GSAP: variants seen among roughly 807,000 people sequenced by gnomAD.
GSAP encodes the protein gamma-secretase activating protein.
GSAP carries 118 observed loss-of-function variants against 131.7 expected under a neutral mutation model. The observed-to-expected ratio is 0.90, with a 90% confidence interval of 0.77 to 1.04. The LOEUF (loss-of-function observed/expected upper bound fraction) is 1.04, where lower values mean the gene tolerates loss of function less well. Ranked by LOEUF, GSAP falls within the 50% of genes least tolerant of loss-of-function variation. The probability of loss-of-function intolerance (pLI) is 0.00; values close to 1 mark genes in which losing one functional copy is unlikely to be tolerated. For synonymous variants in GSAP, 381 were observed against 363.4 expected, an observed-to-expected ratio of 1.05 and a Z score of -0.55; for missense variants, 1,019 against 1,013.2, an observed-to-expected ratio of 1.01 and a Z score of -0.08.
In GSAP at chr7:77,414,844, C is replaced by CTTT. The variant is rs57095326; in HGVS notation, c.109+1366_109+1368dup. The stretch of plus-strand genomic sequence containing the variant: ...AAAAACTTTTCAGACATGTGGGCGA[C>CTTT]TTTTTTTTTTTTTTTTTTTTTTTTT... On this transcript the variant is annotated intron_variant, in intron 1 of 30. Coordinates refer to ENST00000257626, the MANE Select transcript of GSAP (RefSeq NM_017439.4). 3.1e-3 allele frequency among the ~76,000 whole-genome samples: 187 copies of CTTT among 59,860 alleles called. 43 individuals carry two copies. The highest frequency in any genetic ancestry group is 5.8e-3 in the African/African-American group (78 of 13,524). 39.3% of individuals were successfully genotyped at this position (59,860 alleles called of 152,430 possible).
chr7:77,322,007 C>T (rs1787711458), intron 24 of GSAP, among the ~76,000 whole-genome samples: 1 of 152,166 alleles, frequency 6.6e-6, no homozygotes, highest in Admixed American at 6.5e-5. Flanking sequence ...TGTCTTAGAG[C>T]TTTATCCAGA....
At chr7:77,395,408 T>TG (rs1392196576) in intron 5 of GSAP, among the ~76,000 whole-genome samples, 15 of 152,122 alleles carry the variant, frequency 9.9e-5, no homozygotes, top group Admixed American at 9.8e-4. Context: ...CCCATACCCT[T>TG]GTTTTAAGGG....
intron 8 of GSAP, among the ~76,000 whole-genome samples, chr7:77,377,909 T>C (rs1024768482): frequency 6.6e-6 from 1 of 152,212 alleles, no homozygotes; most frequent in Non-Finnish European, 1.5e-5. Context: ...ATGATGAGTA[T>C]GATGATATTG....
chr7:77,379,630 T>A (rs1015672813), intron 8 of GSAP, among the ~76,000 whole-genome samples: 11 of 152,158 alleles, frequency 7.2e-5, no homozygotes, highest in African/African-American at 2.7e-4. Flanking sequence ...GTCCCCTGTC[T>A]ATGCTCACTC....
chr7:77,390,198 G>A (rs574597876), intron 5 of GSAP, among the ~76,000 whole-genome samples: 5 of 152,242 alleles, frequency 3.3e-5, no homozygotes, highest in Non-Finnish European at 7.4e-5. Context: ...TTTGTCAGAT[G>A]AGTAGGTTGC....
intron 19 of GSAP, among the ~76,000 whole-genome samples, chr7:77,343,554 A>T (rs1294115836): frequency 6.6e-6 from 1 of 152,190 alleles, no homozygotes; most frequent in Non-Finnish European, 1.5e-5. Flanking sequence ...ATTCACTGCA[A>T]AGGCCATCAA....
rs929190721 is a variant in GSAP, at chr7:77,320,626, A to AC, written c.2089+98dup. The AC allele has an allele frequency of 1.6e-5, 12 of 740,706 alleles. No individual in the cohort carries two copies. In the African/African-American group the frequency reaches 2.1e-4, roughly 13 times the overall value. 45.9% of individuals were successfully genotyped at this position (740,706 alleles called of 1,614,324 possible). On this transcript the variant is annotated intron_variant, in intron 26 of 30. Transcript: ENST00000257626. ...ACACCAGATACACAATTTCTCATAC[A>AC]CAAGTCTCATCATCAAACTTATAAT...
At chr7:77,363,321 TTATCTC>T (rs1425791532) in intron 12 of GSAP, among the ~76,000 whole-genome samples, 45 of 152,212 alleles carry the variant, frequency 3.0e-4, no homozygotes, top group African/African-American at 1.0e-3. Flanking sequence ...AAACTGTACA[TTATCTC>T]TAGCAGCTGC....
rs1139802 is a variant in GSAP at position 77,311,296 on chromosome 7, A to G, written c.*62T>C. ...TTTAAATATTGTTAAAGAATTCTCA[A>G]AGGAGTAAGGTTAATGAGCAAGATT... On this transcript the variant is annotated 3_prime_UTR_variant, in exon 31 of 31. Transcript: ENST00000257626. 103,486 of 926,698 alleles carry G rather than the reference A, an allele frequency of 0.11. 10,212 individuals carry two copies. Among genetic ancestry groups the G allele is most frequent in the African/African-American group, 0.46 (27,618 of 60,576 alleles). 57.4% of individuals were successfully genotyped at this position (926,698 alleles called of 1,614,324 possible).
chr7:77,340,781 T>C (rs1790795097), intron 19 of GSAP, among the ~76,000 whole-genome samples: 2 of 152,234 alleles, frequency 1.3e-5, no homozygotes, highest in South Asian at 4.1e-4. Flanking sequence ...TTCACCCACA[T>C]TCCCTTGGTG....
At chr7:77,324,853 G>A (rs1040583060) in intron 23 of GSAP, among the ~76,000 whole-genome samples, 5 of 92,482 alleles carry the variant, frequency 5.4e-5, no homozygotes, top group African/African-American at 2.3e-4. Context: ...TTTTTGCTCT[G>A]TCACTCAGGC....
In GSAP at chr7:77,329,384, C is replaced by T. The variant is rs1788752557; in HGVS notation, c.1682G>A (p.Gly561Glu). 17 of 1,581,652 alleles carry T rather than the reference C, an allele frequency of 1.1e-5. No homozygotes were observed. Among genetic ancestry groups the T allele is most frequent in the Non-Finnish European group, 1.4e-5 (16 of 1,161,290 alleles). The change falls in exon 21 of 31, where the codon GGA becomes GAA. Residue 561 changes from glycine to glutamate, a missense_variant. Coordinates refer to ENST00000257626, the MANE Select transcript of GSAP (RefSeq NM_017439.4). ...WHNLISEEKTGKRRSAAYVRN... is the reference protein window; with the variant it reads ...WHNLISEEKTEKRRSAAYVRN... ...CACGTATGCCGCAGACCTTCTTTTT[C>T]CTGTTTTCTAGGAGTGAGAACACGT... is the stretch of plus-strand genomic sequence containing the variant.
chr7:77,311,442 A>C lies in GSAP; in HGVS notation c.2481T>G (p.Tyr827Ter), dbSNP rs775523338. The C allele has an allele frequency of 1.9e-6, 3 of 1,604,746 alleles. No individual in the cohort carries two copies. Among genetic ancestry groups the C allele is most frequent in the Non-Finnish European group, 2.6e-6 (3 of 1,171,890 alleles). The change falls in exon 31 of 31, where the codon TAT becomes TAG. Residue 827 changes from tyrosine to a stop codon, truncating the protein, a stop_gained. Coordinates refer to ENST00000257626, the MANE Select transcript of GSAP (RefSeq NM_017439.4). LOFTEE classifies it high-confidence loss of function. ...TDIESSNQAL[Y>*]PFEGHDNVDA... Reference sequence around the variant, plus strand: ...CCACATTGTCATGTCCTTCAAAAGGATACAGGGCTGGAAAAAAATGGGGAG... The same window carrying C: ...CCACATTGTCATGTCCTTCAAAAGGCTACAGGGCTGGAAAAAAATGGGGAG...
intron 1 of GSAP, 31 bp from the exon 2 acceptor site, chr7:77,406,136 C>G: frequency 8.5e-7 from 1 of 1,170,920 alleles, no homozygotes; most frequent in Non-Finnish European, 1.1e-6. Context: ...TAATACTCAG[C>G]AGAAGATGGT....
At chr7:77,330,518 T>C (rs1299060095) in intron 19 of GSAP, 151 bp from the exon 20 acceptor site, 11 of 1,263,046 alleles carry the variant, frequency 8.7e-6, no homozygotes, top group East Asian at 3.3e-5. Flanking sequence ...CTAGACCCAA[T>C]AGGGATTCTA....
intron 8 of GSAP, among the ~76,000 whole-genome samples, chr7:77,380,754 C>A (rs1797678358): frequency 6.6e-6 from 1 of 151,862 alleles, no homozygotes; most frequent in Admixed American, 6.6e-5. Flanking sequence ...AAATTATACT[C>A]TATGAAACCC....
rs1801888229 is a variant in GSAP, at chr7:77,404,394, A to T, written c.243+165T>A. Among the ~76,000 whole-genome samples the T allele has an allele frequency of 2.0e-5, 3 of 152,346 alleles. No individual in the cohort carries two copies. The South Asian group carries it at 6.2e-4, about 32-fold the overall frequency. ...TCTTAGTTCTTTGGACATACCAAAG[A>T]CTACCCTGGTCTGTGTGTATGCCTC... is the stretch of plus-strand genomic sequence containing the variant. On this transcript the variant is annotated intron_variant, in intron 3 of 30. Transcript: ENST00000257626.
At chr7:77,413,296 T>C (rs1204874576) in intron 1 of GSAP, among the ~76,000 whole-genome samples, 1 of 152,188 alleles carries the variant, frequency 6.6e-6, no homozygotes, top group Non-Finnish European at 1.5e-5. Flanking sequence ...TCAGTCAAAA[T>C]GGCCAGGCCT....
intron 11 of GSAP, among the ~76,000 whole-genome samples, chr7:77,374,544 G>A (rs1345265918): frequency 6.6e-6 from 1 of 151,744 alleles, no homozygotes; most frequent in East Asian, 1.9e-4. Context: ...ACATATTGAT[G>A]GCCTTATGCT....
Sources: allele counts gnomAD v4.1 joint callset (sites outside exome capture counted in the v4.1 genomes callset), GRCh38; gene constraint gnomAD v4.1.1; transcripts MANE v1.5; gene names NCBI Gene and HGNC (gene_info 2026-07-23, HGNC 2026-07-21).